Variants in MED4 observed in about 807,000 individuals in gnomAD.
The protein encoded by MED4 is mediator complex subunit 4, also known as mediator of RNA polymerase II transcription subunit 4.
MED4 carries 21 observed loss-of-function variants against 35.0 expected under a neutral mutation model. The ratio of observed to expected loss-of-function variants is 0.60; its 90% CI spans 0.43 to 0.86. MED4 has a LOEUF of 0.86. Among genes scored for constraint, MED4 ranks in the 40% least tolerant of loss-of-function variants. MED4 has a pLI of 0.00. For synonymous variants in MED4, 138 were observed against 114.0 expected (o/e 1.21, Z -1.34); for missense variants, 300 against 319.4 (o/e 0.94, Z 0.46).
In MED4 at chr13:48,077,074, C is replaced by T; in HGVS notation, c.*65G>A. The T allele has an allele frequency of 2.2e-6, 3 of 1,387,670 alleles. No homozygotes were observed. The highest frequency in any genetic ancestry group is 5.2e-5 in the East Asian group (2 of 38,184). 86.0% of individuals were successfully genotyped at this position (1,387,670 alleles called of 1,614,324 possible). ...TTTTGTCACCTGTAGTTTACATTTCCCTGCTACTGTTAAAGAAACAGAATT... is the reference window on the plus strand; with the variant it reads ...TTTTGTCACCTGTAGTTTACATTTCTCTGCTACTGTTAAAGAAACAGAATT... On this transcript the variant is annotated 3_prime_UTR_variant, in exon 7 of 7. Coordinates refer to ENST00000258648, the MANE Select transcript of MED4 (RefSeq NM_014166.4).
At chr13:48,092,564 G>GT (rs1435105631) in intron 1 of MED4, among the ~76,000 whole-genome samples, 1 of 152,208 alleles carries the variant, frequency 6.6e-6, no homozygotes, top group Non-Finnish European at 1.5e-5. Flanking sequence ...GGTTTCTGTA[G>GT]TGTTCCAGGC....
chr13:48,094,606 C>G lies in MED4; in HGVS notation c.125+348G>C, dbSNP rs540536547. On this transcript the variant is annotated intron_variant, in intron 1 of 6. Coordinates refer to ENST00000258648, the MANE Select transcript of MED4 (RefSeq NM_014166.4). ...TAAAAACAGGCCCCAAGCCAGTTTA[C>G]ACATCTGTCTCTCTCTCGACAGCTG... Among the ~76,000 whole-genome samples the G allele has an allele frequency of 2.0e-5, 3 of 151,986 alleles. No homozygotes were observed. In the South Asian group the frequency reaches 6.3e-4, roughly 32 times the overall value.
chr13:48,086,538 C>T, intron 2 of MED4, 86 bp from the exon 3 acceptor site: 1 of 1,252,346 alleles, frequency 8.0e-7, no homozygotes, highest in Non-Finnish European at 1.1e-6. Flanking sequence ...ACTGAATTGG[C>T]TAGGCTATAA....
Position 48,086,441 on chromosome 13 carries a change from C to G in MED4, c.204G>C (p.Leu68Phe). Residue 68 changes from leucine (L) to phenylalanine (F), a missense_variant, in exon 3 of 7, where the codon TTG (leucine) becomes TTC (phenylalanine). Leu to Phe is a conservative substitution (Grantham distance 22). Coordinates refer to ENST00000258648, the MANE Select transcript of MED4 (RefSeq NM_014166.4). ...GAAATTCCCCATCTCGGTGAATTAA[C>G]AACTCCAGGACCTGTCAGATAACAG... is the stretch of plus-strand genomic sequence containing the variant. ...QAGEENQVLE[L>F]LIHRDGEFQE... 1.2e-6 allele frequency: 2 copies of G among 1,613,476 alleles called. No homozygotes were observed. The highest frequency in any genetic ancestry group is 1.7e-6 in the Non-Finnish European group (2 of 1,179,840).
chr13:48,092,200 C>T (rs1002369013), intron 1 of MED4, among the ~76,000 whole-genome samples: 2 of 152,144 alleles, frequency 1.3e-5, no homozygotes, highest in Non-Finnish European at 2.9e-5. Context: ...CTCCACCTCC[C>T]GGGTTCAAAG....
chr13:48,087,822 C>T (rs1950863566), intron 2 of MED4, among the ~76,000 whole-genome samples: 1 of 151,944 alleles, frequency 6.6e-6, no homozygotes, highest in South Asian at 2.1e-4. Context: ...TGCACTCCAG[C>T]CTGGGTGACA....
intron 1 of MED4, among the ~76,000 whole-genome samples, chr13:48,094,053 A>G (rs950005570): frequency 6.6e-6 from 1 of 152,226 alleles, no homozygotes; most frequent in African/African-American, 2.4e-5. Context: ...TGGACAACGC[A>G]AACCTACCAA....
chr13:48,082,393 T>G (rs1950815386), intron 4 of MED4, among the ~76,000 whole-genome samples: 1 of 152,106 alleles, frequency 6.6e-6, no homozygotes, highest in African/African-American at 2.4e-5. Context: ...ACTGTTTCAA[T>G]GTAACAAAGT....
intron 1 of MED4, chr13:48,093,523 T>C: frequency 2.3e-6 from 1 of 425,710 alleles, no homozygotes; most frequent in Non-Finnish European, 4.8e-6. Flanking sequence ...ACTTCACAGA[T>C]CACAGAATCA....
chr13:48,075,736 A>C lies in MED4; in HGVS notation c.*1403T>G, dbSNP rs903915523. 4.6e-5 allele frequency among the ~76,000 whole-genome samples: 7 copies of C among 152,164 alleles called. No homozygotes were observed. Among genetic ancestry groups the C allele is most frequent in the African/African-American group, 1.4e-4 (6 of 41,458 alleles). ...TACCACAATAAAATTTTAGCCATTAAAGTAAATCTTTCAAGAATGTATACA... is the reference window on the plus strand; with the variant it reads ...TACCACAATAAAATTTTAGCCATTACAGTAAATCTTTCAAGAATGTATACA... On this transcript the variant is annotated 3_prime_UTR_variant, in exon 7 of 7. Transcript: ENST00000258648.
In MED4 at chr13:48,079,923, C is replaced by A. The variant is rs146587688; in HGVS notation, c.561G>T (p.Leu187=). Residue 187 remains leucine, a synonymous_variant, in exon 6 of 7, where the codon CTG becomes CTT. Coordinates refer to ENST00000258648, the MANE Select transcript of MED4 (RefSeq NM_014166.4). ...PTDLEMRSGL[L]GQMNNPSTNG... ...TAGTGGAAGGATTGTTCATCTGACCCAGTAACCCACTTCTCATCTCTAAAT... is the reference window on the plus strand; with the variant it reads ...TAGTGGAAGGATTGTTCATCTGACCAAGTAACCCACTTCTCATCTCTAAAT... The A allele has an allele frequency of 1.2e-5, 19 of 1,613,804 alleles. No individual in the cohort carries two copies. Among genetic ancestry groups the A allele is most frequent in the Non-Finnish European group, 1.4e-5 (17 of 1,179,864 alleles).
chr13:48,080,415 A>AG (rs1555265134), intron 5 of MED4, among the ~76,000 whole-genome samples: 8 of 150,386 alleles, frequency 5.3e-5, no homozygotes, highest in Non-Finnish European at 7.4e-5. Context: ...AAAAAAAAAA[A>AG]AAAGAAAGAA....
chr13:48,089,998 T>C (rs1181636648), intron 2 of MED4, among the ~76,000 whole-genome samples: 1 of 152,230 alleles, frequency 6.6e-6, no homozygotes, highest in Non-Finnish European at 1.5e-5. Flanking sequence ...ACGGTAAGTT[T>C]TTGAGCATTA....
At position 48,081,624 on chromosome 13, in the gene MED4, TA is replaced by T. The variant is rs1351590836; in HGVS notation, c.508+20del. ...TCTTCAAAACCACATATATCTAGTA[TA>T]ATAAGACGAGTATGTTTACCTGGAA... On this transcript the variant is annotated intron_variant, in intron 5 of 6. Coordinates refer to ENST00000258648, the MANE Select transcript of MED4 (RefSeq NM_014166.4). 6 of 1,566,010 alleles carry T rather than the reference TA, an allele frequency of 3.8e-6. No homozygotes were observed. Among genetic ancestry groups the T allele is most frequent in the Non-Finnish European group, 5.3e-6 (6 of 1,142,350 alleles).
chr13:48,086,465 AG>A lies in MED4; in HGVS notation c.193-14del, dbSNP rs1950849572. ...ACAACTCCAGGACCTGTCAGATAAC[AG>A]TCAATTAAATCAGACAATAGACTAC... On this transcript the variant is annotated splice_polypyrimidine_tract_variant and intron_variant, in intron 2 of 6. Transcript: ENST00000258648. 6.2e-7 allele frequency: 1 copy of A among 1,611,686 alleles called. No individual in the cohort carries two copies. Among genetic ancestry groups the A allele is most frequent in the East Asian group, 2.2e-5 (1 of 44,774 alleles).
At chr13:48,090,200 C>T in intron 2 of MED4, 152 bp downstream of exon 2, 1 of 584,496 alleles carries the variant, frequency 1.7e-6, no homozygotes, top group Non-Finnish European at 2.9e-6. Flanking sequence ...AAGAAAATAC[C>T]AATATTAAAG....
intron 3 of MED4, among the ~76,000 whole-genome samples, chr13:48,083,775 G>A (rs1163080285): frequency 6.6e-6 from 1 of 152,108 alleles, no homozygotes; most frequent in Non-Finnish European, 1.5e-5. Flanking sequence ...ACTAGTTCAA[G>A]AATAAAATAC....
At chr13:48,089,871 T>C (rs948134568) in intron 2 of MED4, among the ~76,000 whole-genome samples, 1 of 152,212 alleles carries the variant, frequency 6.6e-6, no homozygotes, top group Admixed American at 6.5e-5. Context: ...CACCGAAAAG[T>C]GAGCAAATAA....
chr13:48,081,768 C>G (rs764002128), intron 4 of MED4, 37 bp from the exon 5 acceptor site: 2 of 1,304,928 alleles, frequency 1.5e-6, no homozygotes, highest in Non-Finnish European at 2.1e-6. Context: ...AACCTGTAGT[C>G]TAACAAACAT....
Sources: allele counts gnomAD v4.1 joint callset (sites outside exome capture counted in the v4.1 genomes callset), GRCh38; gene constraint gnomAD v4.1.1; transcripts MANE v1.5; gene names NCBI Gene and HGNC (gene_info 2026-07-23, HGNC 2026-07-21).